The following LRRC7 variants were observed in gnomAD, a reference collection of about 807,000 sequenced individuals.
The protein encoded by LRRC7 is leucine rich repeat containing 7, also known as leucine-rich repeat-containing protein 7.
Under a neutral mutation model 175.7 loss-of-function variants are expected in LRRC7, and 23 were observed. The ratio of observed to expected loss-of-function variants is 0.13; its 90% CI spans 0.09 to 0.19. LRRC7 has a LOEUF of 0.19. Ranked by LOEUF, LRRC7 falls within the 10% of genes least tolerant of loss-of-function variation. The pLI is 1.00. For missense variants in LRRC7, 1,354 were observed against 1,904.7 expected (o/e 0.71, Z 5.38); for synonymous variants, 685 against 680.9 (o/e 1.01, Z -0.09).
At chr1:69,773,174 A>G in intron 3 of LRRC7, among the ~76,000 whole-genome samples, 1 of 152,196 alleles carries the variant, frequency 6.6e-6, no homozygotes, top group Non-Finnish European at 1.5e-5. Flanking sequence ...AGAATTAAAT[A>G]AGAAGAAAGG....
intron 3 of LRRC7, among the ~76,000 whole-genome samples, chr1:69,783,412 A>C (rs1252619209): frequency 6.6e-6 from 1 of 152,182 alleles, no homozygotes; most frequent in Non-Finnish European, 1.5e-5. Flanking sequence ...GAAATAGGAT[A>C]TACAAAAAGG....
At chr1:69,974,815 AG>A (rs1312228272) in intron 8 of LRRC7, among the ~76,000 whole-genome samples, 2 of 152,172 alleles carry the variant, frequency 1.3e-5, no homozygotes, top group Admixed American at 1.3e-4. Flanking sequence ...TTAGAAATCA[AG>A]CATATGCTTT....
intron 1 of LRRC7, among the ~76,000 whole-genome samples, chr1:69,606,419 GT>G (rs1647584151): frequency 6.6e-6 from 1 of 151,980 alleles, no homozygotes; most frequent in African/African-American, 2.4e-5. Flanking sequence ...ATAATAAAGA[GT>G]TTTTAAAAAT....
rs114279108 is a variant in LRRC7, at chr1:69,593,354, A to G, written c.2+24713A>G. ...AAAACAATATTTGGACATGTAACAC[A>G]TGCTTTGTATTTTTTTTATTGTTTT... On this transcript the variant is annotated intron_variant, in intron 1 of 26. Transcript: ENST00000651989. Among the ~76,000 whole-genome samples the G allele has an allele frequency of 9.6e-3, 1,458 of 152,240 alleles. 22 individuals carry two copies. The highest frequency in any genetic ancestry group is 0.033 in the African/African-American group (1,391 of 41,572).
At chr1:69,916,889 T>C (rs1350342264) in intron 7 of LRRC7, among the ~76,000 whole-genome samples, 2 of 152,020 alleles carry the variant, frequency 1.3e-5, no homozygotes, top group Non-Finnish European at 2.9e-5. Flanking sequence ...TAGGGTAATA[T>C]ATAAAATGAA....
At chr1:70,094,465 GA>G (rs1558063385) in intron 25 of LRRC7, among the ~76,000 whole-genome samples, 1 of 152,064 alleles carries the variant, frequency 6.6e-6, no homozygotes, top group Non-Finnish European at 1.5e-5. Context: ...TAGGAGCATA[GA>G]AAATGTAAAC....
At chr1:69,615,829 C>T (rs939862247) in intron 1 of LRRC7, among the ~76,000 whole-genome samples, 8 of 151,884 alleles carry the variant, frequency 5.3e-5, no homozygotes, top group Non-Finnish European at 8.8e-5. Flanking sequence ...CAGTTCATGA[C>T]GAATCACATA....
chr1:69,568,769 G>T, intron 1 of LRRC7, 128 bp downstream of exon 1: 1 of 577,722 alleles, frequency 1.7e-6, no homozygotes, highest in Non-Finnish European at 2.4e-6. Context: ...GGAGGCTTCG[G>T]CGCTCGCGGG....
intron 1 of LRRC7, among the ~76,000 whole-genome samples, chr1:69,665,995 TC>T (rs1462195723): frequency 6.6e-6 from 1 of 152,120 alleles, no homozygotes; most frequent in East Asian, 1.9e-4. Flanking sequence ...GAGGTATGTT[TC>T]TTCTATCCTC....
At chr1:69,937,775 TATTA>T (rs1321208595) in intron 8 of LRRC7, among the ~76,000 whole-genome samples, 1 of 152,116 alleles carries the variant, frequency 6.6e-6, no homozygotes, top group East Asian at 1.9e-4. Flanking sequence ...TAGCTAATTT[TATTA>T]ATTATTTTAT....
At chr1:70,078,390 A>G (rs1037275754) in intron 24 of LRRC7, among the ~76,000 whole-genome samples, 2 of 152,104 alleles carry the variant, frequency 1.3e-5, no homozygotes, top group Admixed American at 6.5e-5. Context: ...TCCCAATGGC[A>G]CCTTCAATGA....
chr1:69,615,979 T>A (rs1376547211), intron 1 of LRRC7, among the ~76,000 whole-genome samples: 1 of 152,004 alleles, frequency 6.6e-6, no homozygotes, highest in Non-Finnish European at 1.5e-5. Flanking sequence ...ACGAATTATG[T>A]ATTACCCAGA....
intron 2 of LRRC7, among the ~76,000 whole-genome samples, chr1:69,752,421 G>C (rs904708544): frequency 3.9e-5 from 6 of 152,106 alleles, no homozygotes; most frequent in African/African-American, 1.4e-4. Flanking sequence ...TGGAATATTA[G>C]GCAAGGATAA....
rs55900412 is a variant in LRRC7, at chr1:69,943,949, A to AACACACACAC, written c.711+12409_711+12418dup. 8.4e-3 allele frequency among the ~76,000 whole-genome samples: 1,224 copies of AACACACACAC among 145,466 alleles called. 11 individuals carry two copies. Among genetic ancestry groups the AACACACACAC allele is most frequent in the East Asian group, 0.02 (100 of 5,006 alleles). On this transcript the variant is annotated intron_variant, in intron 8 of 26. Coordinates refer to ENST00000651989, the MANE Select transcript of LRRC7 (RefSeq NM_001370785.2). ...TCAGTTCTTATTTTTTATCATGGTAAACACACACACACACACACACACACA... is the reference window on the plus strand; with the variant it reads ...TCAGTTCTTATTTTTTATCATGGTAAACACACACACACACACACACACACACACACACACA...
chr1:69,978,981 T>C (rs751655557), intron 8 of LRRC7, among the ~76,000 whole-genome samples: 1 of 150,396 alleles, frequency 6.6e-6, no homozygotes, highest in Non-Finnish European at 1.5e-5. Context: ...GCTTATATAA[T>C]CTTACCAGGA....
chr1:69,898,760 T>C (rs1431312888), intron 7 of LRRC7, among the ~76,000 whole-genome samples: 2 of 152,172 alleles, frequency 1.3e-5, no homozygotes, highest in Admixed American at 1.3e-4. Context: ...AAGAAGCATG[T>C]GTCTGACTTG....
intron 7 of LRRC7, among the ~76,000 whole-genome samples, chr1:69,899,903 T>A (rs1264096207): frequency 6.6e-6 from 1 of 152,196 alleles, no homozygotes; most frequent in African/African-American, 2.4e-5. Flanking sequence ...TCTCCAGAAC[T>A]GTGAGAAAAT....
chr1:69,652,364 G>T (rs944398584), intron 1 of LRRC7, among the ~76,000 whole-genome samples: 2 of 151,836 alleles, frequency 1.3e-5, no homozygotes, highest in Non-Finnish European at 2.9e-5. Flanking sequence ...ATTCAAAAAG[G>T]AAATTAAGAA....
chr1:69,568,499 C>G lies in LRRC7; in HGVS notation c.-141C>G. 1 of 635,586 alleles carries G rather than the reference C, an allele frequency of 1.6e-6. No homozygotes were observed. The highest frequency in any genetic ancestry group is 2.4e-6 in the Non-Finnish European group (1 of 421,130). 39.4% of individuals were successfully genotyped at this position (635,586 alleles called of 1,614,324 possible). A position where few individuals can be genotyped will look rare whatever the true frequency, so the allele number is the denominator to read the frequency against. On this transcript the variant is annotated 5_prime_UTR_variant, in exon 1 of 27. Transcript: ENST00000651989. The stretch of plus-strand genomic sequence containing the variant: ...TCCCCTCTATCTCCTGTTCTTCCTA[C>G]CTTCTACTCCTTCCCTCCTCTTCTC...
Sources: gnomAD v4.1 joint callset for allele counts (sites outside exome capture counted in the v4.1 genomes callset) on GRCh38, gnomAD v4.1.1 for gene constraint, MANE v1.5 for transcripts, NCBI Gene and HGNC (gene_info 2026-07-23, HGNC 2026-07-21) for gene names.